The following NXPE2 variants were observed in gnomAD, a reference collection of about 807,000 sequenced individuals.
NXPE2 encodes the protein NXPE family member 2.
NXPE2 carries 34 observed loss-of-function variants against 34.4 expected under a neutral mutation model. That is an observed-to-expected ratio of 0.99 (90% confidence interval 0.75 to 1.31). NXPE2 has a LOEUF of 1.31. Among genes scored for constraint, NXPE2 ranks in the 40% most tolerant of loss-of-function variants. The pLI is 0.00. For missense variants in NXPE2, 649 were observed against 672.5 expected, an observed-to-expected ratio of 0.97 and a Z score of 0.39; for synonymous variants, 235 against 231.3, an observed-to-expected ratio of 1.02 and a Z score of -0.15.
upstream of NXPE2, among the ~76,000 whole-genome samples, chr11:114,675,687 C>T (rs1238767868): frequency 6.6e-6 from 1 of 151,862 alleles, no homozygotes; most frequent in Non-Finnish European, 1.5e-5. Context: ...AAACATTCTA[C>T]AGATTTAACG....
chr11:114,726,770 G>T, the NXPE2 span, among the ~76,000 whole-genome samples: 1 of 151,974 alleles, frequency 6.6e-6, no homozygotes, highest in East Asian at 1.9e-4. Flanking sequence ...TTGCTCAGAG[G>T]TTCTACCTCT....
At chr11:114,586,779 C>T in the NXPE2 span, among the ~76,000 whole-genome samples, 1 of 152,160 alleles carries the variant, frequency 6.6e-6, no homozygotes, top group Non-Finnish European at 1.5e-5. Flanking sequence ...AAATTTTCTC[C>T]TTTCCTATCC....
the NXPE2 span, among the ~76,000 whole-genome samples, chr11:114,716,035 G>A: frequency 6.6e-6 from 1 of 152,120 alleles, no homozygotes; most frequent in African/African-American, 2.4e-5. Context: ...CTGGCAATAC[G>A]ACCAATTTAG....
intron 3 of NXPE2, among the ~76,000 whole-genome samples, chr11:114,700,036 C>A (rs1220146557): frequency 6.6e-6 from 1 of 152,146 alleles, no homozygotes; most frequent in Non-Finnish European, 1.5e-5. Context: ...TCAGGTGATC[C>A]ACCCACTTCA....
At chr11:114,610,760 C>T in the NXPE2 span, among the ~76,000 whole-genome samples, 1 of 151,726 alleles carries the variant, frequency 6.6e-6, no homozygotes, top group Non-Finnish European at 1.5e-5. Context: ...TAAGTGTTGC[C>T]TTGTCGGTAA....
the NXPE2 span, among the ~76,000 whole-genome samples, chr11:114,588,181 C>T: frequency 6.6e-6 from 1 of 152,146 alleles, no homozygotes; most frequent in African/African-American, 2.4e-5. Context: ...TTCTTGTCCT[C>T]CCTCTCTGGG....
chr11:114,522,135 A>G, the NXPE2 span: 1 of 1,613,954 alleles, frequency 6.2e-7, no homozygotes, highest in South Asian at 1.1e-5. Flanking sequence ...TAACCATGGA[A>G]GTCTCCAAAC....
chr11:114,745,322 G>A, the NXPE2 span, among the ~76,000 whole-genome samples: 1 of 152,138 alleles, frequency 6.6e-6, no homozygotes, highest in Non-Finnish European at 1.5e-5. Flanking sequence ...GCAAAAGGGA[G>A]CTTGCTTATG....
chr11:114,695,830 AACACACAC>A lies in NXPE2; in HGVS notation c.133-2185_133-2178del, dbSNP rs67132329. On this transcript the variant is annotated intron_variant, in intron 2 of 5. Transcript: ENST00000389586. ...ACATGGTGAAAGAACGTCTCTACTA[AACACACAC>A]ACACACACACACACACACACACACA... is the stretch of plus-strand genomic sequence containing the variant. Among the ~76,000 whole-genome samples, 689 of 132,626 alleles carry A rather than the reference AACACACAC, an allele frequency of 5.2e-3. 9 individuals carry two copies. Among genetic ancestry groups the A allele is most frequent in the African/African-American group, 0.018 (629 of 35,120 alleles). The allele number at this position is 132,626 out of a possible 152,430, so 87.0% of individuals were successfully genotyped here. A position where few individuals can be genotyped will look rare whatever the true frequency, so the allele number is the denominator to read the frequency against.
At chr11:114,692,936 A>G (rs958123147) in intron 2 of NXPE2, among the ~76,000 whole-genome samples, 30 of 152,088 alleles carry the variant, frequency 2.0e-4, no homozygotes, top group African/African-American at 6.8e-4. Flanking sequence ...GGAGGCACAC[A>G]ATACTTGTGT....
Position 114,706,798 on chromosome 11 carries a change from T to C in NXPE2, c.1548T>C (p.Asp516=). The change falls in exon 6 of 6, where the codon GAT becomes GAC. Residue 516 remains aspartate, a synonymous_variant. Coordinates refer to ENST00000389586, the MANE Select transcript of NXPE2 (RefSeq NM_182495.6). ...ATATTCAGAATCTTATCATAAGAGATATTTTTGTGGATCTTAATGTGGGTA... is the reference window on the plus strand; with the variant it reads ...ATATTCAGAATCTTATCATAAGAGACATTTTTGTGGATCTTAATGTGGGTA... The part of the protein sequence containing the change: ...HGYIQNLIIR[D]IFVDLNVGII... The C allele has an allele frequency of 1.3e-6, 2 of 1,552,394 alleles. No individual in the cohort carries two copies. The highest frequency in any genetic ancestry group is 1.2e-5 in the South Asian group (1 of 84,066).
chr11:114,684,792 A>G (rs1283557773), intron 2 of NXPE2, among the ~76,000 whole-genome samples: 5 of 152,178 alleles, frequency 3.3e-5, no homozygotes, highest in African/African-American at 1.2e-4. Context: ...AAAGGAGGAA[A>G]TAGGAAAGAG....
chr11:114,598,059 TG>T, the NXPE2 span, among the ~76,000 whole-genome samples: 8 of 152,104 alleles, frequency 5.3e-5, no homozygotes, highest in South Asian at 2.1e-4. Flanking sequence ...CAAGATACAA[TG>T]GGACTATAGG....
At chr11:114,496,839 C>T in the NXPE2 span, among the ~76,000 whole-genome samples, 8 of 152,166 alleles carry the variant, frequency 5.3e-5, no homozygotes, top group Admixed American at 1.3e-4. Context: ...TAGTAGCTGT[C>T]GTAACATTGT....
the NXPE2 span, among the ~76,000 whole-genome samples, chr11:114,607,281 G>A: frequency 1.3e-5 from 2 of 149,062 alleles, no homozygotes; most frequent in East Asian, 2.0e-4. Context: ...AACCACTGTT[G>A]CCTGGTGGAT....
At chr11:114,504,472 A>G in the NXPE2 span, among the ~76,000 whole-genome samples, 1 of 152,114 alleles carries the variant, frequency 6.6e-6, no homozygotes, top group African/African-American at 2.4e-5. Flanking sequence ...GTGAACGCCC[A>G]CCAGGGAAGC....
At chr11:114,584,950 A>G in the NXPE2 span, among the ~76,000 whole-genome samples, 1 of 152,102 alleles carries the variant, frequency 6.6e-6, no homozygotes, top group African/African-American at 2.4e-5. Context: ...GTCTGGGTGA[A>G]GGGAATACTT....
the NXPE2 span, among the ~76,000 whole-genome samples, chr11:114,773,288 C>CCCCCG: frequency 0.054 from 5,139 of 95,216 alleles, 298 homozygotes; most frequent in Admixed American, 0.076. Flanking sequence ...CACCCCCCCC[C>CCCCCG]CACCCCATTC....
the NXPE2 span, among the ~76,000 whole-genome samples, chr11:114,731,639 A>T: frequency 6.6e-6 from 1 of 152,226 alleles, no homozygotes; most frequent in African/African-American, 2.4e-5. Flanking sequence ...TACATACTGT[A>T]TTGTTTAATT....
Sources: gnomAD v4.1 joint callset for allele counts (sites outside exome capture counted in the v4.1 genomes callset) on GRCh38, gnomAD v4.1.1 for gene constraint, MANE v1.5 for transcripts, NCBI Gene and HGNC (gene_info 2026-07-23, HGNC 2026-07-21) for gene names.